The following PTPRT variants were observed in gnomAD, a reference collection of about 807,000 sequenced individuals.
PTPRT encodes protein tyrosine phosphatase receptor type T.
A neutral mutation model predicts 176.8 loss-of-function variants in PTPRT; 56 were observed. The observed-to-expected ratio is 0.32, with a 90% confidence interval of 0.26 to 0.40. The LOEUF is 0.40. Ranked by LOEUF, PTPRT falls within the 10% of genes least tolerant of loss-of-function variation. PTPRT has a pLI of 1.00. For missense variants in PTPRT, 1,540 were observed against 1,908.2 expected (o/e 0.81, Z 3.60); for synonymous variants, 783 against 739.0 (o/e 1.06, Z -0.96).
intron 12 of PTPRT, among the ~76,000 whole-genome samples, chr20:42,295,056 T>C (rs775643116): frequency 6.6e-6 from 1 of 152,092 alleles, no homozygotes; most frequent in Non-Finnish European, 1.5e-5. Context: ...TAGGTAAATA[T>C]TTTATGACAA....
chr20:42,074,491 C>A lies in PTPRT; in HGVS notation c.*6388G>T. 3.0e-6 allele frequency: 1 copy of A among 328,936 alleles called. No individual in the cohort carries two copies. The highest frequency in any genetic ancestry group is 5.5e-6 in the Non-Finnish European group (1 of 181,786). 20.4% of individuals were successfully genotyped at this position (328,936 alleles called of 1,614,324 possible). On this transcript the variant is annotated 3_prime_UTR_variant, in exon 31 of 31. Coordinates refer to ENST00000373187, the MANE Select transcript of PTPRT (RefSeq NM_007050.6). Reference sequence around the variant, plus strand: ...GGCCACCAGACACTCATTCTCCGAACATTCCAATTAAGGATCAGAGTCCAC... The same window carrying A: ...GGCCACCAGACACTCATTCTCCGAAAATTCCAATTAAGGATCAGAGTCCAC...
At chr20:42,333,585 C>G (rs1418543657) in intron 11 of PTPRT, among the ~76,000 whole-genome samples, 2 of 152,036 alleles carry the variant, frequency 1.3e-5, no homozygotes, top group Non-Finnish European at 2.9e-5. Flanking sequence ...ACCCACCTCG[C>G]CCTCCCAAAG....
intron 8 of PTPRT, among the ~76,000 whole-genome samples, chr20:42,456,679 T>C (rs997040719): frequency 6.6e-6 from 1 of 152,156 alleles, no homozygotes; most frequent in East Asian, 1.9e-4. Flanking sequence ...AAAGTTAGAC[T>C]AACACTAATT....
intron 23 of PTPRT, 62 bp downstream of exon 23, chr20:42,110,271 C>G (rs1023134686): frequency 6.7e-7 from 1 of 1,487,020 alleles, no homozygotes; most frequent in Non-Finnish European, 9.1e-7. Flanking sequence ...AGGCTGGTCT[C>G]GAACTCCTGA....
At chr20:42,986,827 AC>A (rs1019906038) in intron 1 of PTPRT, among the ~76,000 whole-genome samples, 1 of 152,148 alleles carries the variant, frequency 6.6e-6, no homozygotes, top group African/African-American at 2.4e-5. Flanking sequence ...ACCGAACCAC[AC>A]CCAGCCCTAG....
chr20:42,648,164 G>A (rs2074948431), intron 7 of PTPRT, among the ~76,000 whole-genome samples: 1 of 152,066 alleles, frequency 6.6e-6, no homozygotes, highest in African/African-American at 2.4e-5. Context: ...TAATTTACTG[G>A]GTTATTGGCT....
chr20:42,477,259 AG>A (rs2071306321), intron 7 of PTPRT, among the ~76,000 whole-genome samples: 2 of 152,176 alleles, frequency 1.3e-5, no homozygotes, highest in South Asian at 4.1e-4. Flanking sequence ...GGGTCTGTCA[AG>A]GGGCAGTTCC....
chr20:42,583,357 G>T (rs1263844297), intron 7 of PTPRT, among the ~76,000 whole-genome samples: 1 of 152,112 alleles, frequency 6.6e-6, no homozygotes, highest in East Asian at 1.9e-4. Context: ...TTCATTAACT[G>T]TCAGGGGTTA....
At chr20:42,623,841 T>A (rs556356030) in intron 7 of PTPRT, among the ~76,000 whole-genome samples, 1 of 151,752 alleles carries the variant, frequency 6.6e-6, no homozygotes, top group East Asian at 1.9e-4. Context: ...TTAGCCCCAT[T>A]TGCTCTGCTA....
chr20:42,648,503 T>A (rs1391545163), intron 7 of PTPRT, among the ~76,000 whole-genome samples: 1 of 152,060 alleles, frequency 6.6e-6, no homozygotes, highest in Non-Finnish European at 1.5e-5. Flanking sequence ...GGTTCTATCA[T>A]TAAGTGAGAA....
At chr20:43,104,966 C>T (rs982306502) in intron 1 of PTPRT, among the ~76,000 whole-genome samples, 4 of 152,132 alleles carry the variant, frequency 2.6e-5, no homozygotes, top group Middle Eastern at 3.4e-3. Context: ...TTTCAAGTAC[C>T]GGGTCAATCT....
At chr20:42,108,732 CA>C (rs1279800923) in intron 23 of PTPRT, among the ~76,000 whole-genome samples, 1 of 152,088 alleles carries the variant, frequency 6.6e-6, no homozygotes, top group Non-Finnish European at 1.5e-5. Context: ...TAAGAGGAGG[CA>C]GAGAATAATG....
At chr20:42,926,267 C>T (rs1431824087) in intron 1 of PTPRT, among the ~76,000 whole-genome samples, 1 of 152,224 alleles carries the variant, frequency 6.6e-6, no homozygotes, top group African/African-American at 2.4e-5. Flanking sequence ...CTGCATCCAC[C>T]CCTCTCTCCT....
chr20:42,112,714 T>A (rs1343280927), intron 22 of PTPRT, among the ~76,000 whole-genome samples: 5 of 151,884 alleles, frequency 3.3e-5, no homozygotes, highest in African/African-American at 1.2e-4. Flanking sequence ...CCCTGCAAAC[T>A]CTCCCTAAAC....
intron 27 of PTPRT, among the ~76,000 whole-genome samples, chr20:42,088,685 C>T (rs1025797349): frequency 6.6e-6 from 1 of 152,174 alleles, no homozygotes; most frequent in African/African-American, 2.4e-5. Flanking sequence ...TATGTATTGT[C>T]CACAGTTGCT....
At chr20:43,054,836 T>C (rs370937478) in intron 1 of PTPRT, among the ~76,000 whole-genome samples, 1 of 152,066 alleles carries the variant, frequency 6.6e-6, no homozygotes, top group South Asian at 2.1e-4. Context: ...GTTTACAGAT[T>C]TTTCTAAAGA....
At chr20:43,092,063 T>C (rs555677057) in intron 1 of PTPRT, among the ~76,000 whole-genome samples, 1 of 152,306 alleles carries the variant, frequency 6.6e-6, no homozygotes, top group South Asian at 2.1e-4. Flanking sequence ...TGCCTGGGTT[T>C]TCTCAAAAAA....
chr20:42,035,313 T>A, the PTPRT span, among the ~76,000 whole-genome samples: 1 of 152,132 alleles, frequency 6.6e-6, no homozygotes, highest in Non-Finnish European at 1.5e-5. Context: ...AAAGACGAAG[T>A]GACTTAGGTA....
At chr20:42,039,680 A>G in the PTPRT span, among the ~76,000 whole-genome samples, 323 of 148,618 alleles carry the variant, frequency 2.2e-3, 3 homozygotes, top group Non-Finnish European at 3.6e-3. Context: ...AGGCTCAACA[A>G]TATTCTGTTG....
Sources: allele counts gnomAD v4.1 joint callset (sites outside exome capture counted in the v4.1 genomes callset), GRCh38; gene constraint gnomAD v4.1.1; transcripts MANE v1.5; gene names NCBI Gene and HGNC (gene_info 2026-07-23, HGNC 2026-07-21).